The following SMPDL3A variants were observed in gnomAD, a reference collection of about 807,000 sequenced individuals.
The protein encoded by SMPDL3A is sphingomyelin phosphodiesterase acid like 3A.
In SMPDL3A, 39 loss-of-function variants were observed where a neutral mutation model predicts 38.5. The ratio of observed to expected loss-of-function variants is 1.01; its 90% CI spans 0.78 to 1.32. The LOEUF (loss-of-function observed/expected upper bound fraction) is 1.32. Ranked by LOEUF, SMPDL3A falls within the 40% of genes most tolerant of loss-of-function variation. The pLI is 0.00. For synonymous variants in SMPDL3A, 180 were observed against 194.3 expected (o/e 0.93, Z 0.61); for missense variants, 502 against 536.2 (o/e 0.94, Z 0.63).
In SMPDL3A at chr6:122,809,514, C is replaced by T. The variant is rs1781779407; in HGVS notation, c.*106C>T. On this transcript the variant is annotated 3_prime_UTR_variant, in exon 8 of 8. Coordinates refer to ENST00000368440, the MANE Select transcript of SMPDL3A (RefSeq NM_006714.5). ...AATTACTGAGTGGGCAAGTAGACTT[C>T]CTGTCTTTGCTTTCTTTTTTTTTTT... The T allele has an allele frequency of 1.0e-5, 8 of 763,192 alleles. No individual in the cohort carries two copies. In the East Asian group the frequency reaches 2.1e-4, roughly 20 times the overall value. 47.3% of individuals were successfully genotyped at this position (763,192 alleles called of 1,614,324 possible). A position where few individuals can be genotyped will look rare whatever the true frequency, so the allele number is the denominator to read the frequency against.
intron 3 of SMPDL3A, among the ~76,000 whole-genome samples, chr6:122,798,665 G>A (rs1183910890): frequency 6.6e-6 from 1 of 152,132 alleles, no homozygotes; most frequent in Non-Finnish European, 1.5e-5. Flanking sequence ...GTGGGCTGGT[G>A]GTGATTGTCA....
intron 1 of SMPDL3A, among the ~76,000 whole-genome samples, chr6:122,791,224 G>A (rs1316887948): frequency 1.3e-5 from 2 of 152,016 alleles, no homozygotes; most frequent in South Asian, 2.1e-4. Flanking sequence ...CCTGGTGGTC[G>A]GACGACAGAA....
chr6:122,808,099 A>G (rs1342703066), intron 7 of SMPDL3A, among the ~76,000 whole-genome samples: 1 of 152,204 alleles, frequency 6.6e-6, no homozygotes, highest in Non-Finnish European at 1.5e-5. Context: ...TAATTTCTAA[A>G]TAATTTCTTA....
In SMPDL3A at chr6:122,809,357, T is replaced by C. The variant is rs976588043; in HGVS notation, c.1311T>C (p.Asn437=). 3.1e-6 allele frequency: 5 copies of C among 1,613,910 alleles called. No individual in the cohort carries two copies. In the African/African-American group the frequency reaches 6.7e-5, roughly 22 times the overall value. ...TTTGTGCAATTATGAATCTTGATAA[T>C]ATTTCCTATGCAGATTGCCTCAAAC... ...FQICAIMNLD[N]ISYADCLKQL... The change falls in exon 8 of 8, where the codon AAT becomes AAC. Residue 437 remains asparagine (N), a synonymous_variant. Coordinates refer to ENST00000368440, the MANE Select transcript of SMPDL3A (RefSeq NM_006714.5).
At chr6:122,804,769 T>C (rs1582555717) in intron 5 of SMPDL3A, 140 bp from the exon 6 acceptor site, 8 of 671,852 alleles carry the variant, frequency 1.2e-5, no homozygotes, top group Non-Finnish European at 2.0e-5. Flanking sequence ...CATCTCTTTT[T>C]CTTATAAATA....
rs771207651 is a variant in SMPDL3A at position 122,795,905 on chromosome 6, A to G, written c.326+15A>G. The G allele has an allele frequency of 5.2e-6, 8 of 1,533,434 alleles. No individual in the cohort carries two copies. The highest frequency in any genetic ancestry group is 7.2e-6 in the Non-Finnish European group (8 of 1,108,378). 95.0% of individuals were successfully genotyped at this position (1,533,434 alleles called of 1,614,324 possible). ...ATATGGACAGGGTAAGTGATTATACAAGTACCATTAATTACTCAATATTTA... is the reference window on the plus strand; with the variant it reads ...ATATGGACAGGGTAAGTGATTATACGAGTACCATTAATTACTCAATATTTA... On this transcript the variant is annotated intron_variant, in intron 2 of 7. Coordinates refer to ENST00000368440, the MANE Select transcript of SMPDL3A (RefSeq NM_006714.5).
In SMPDL3A at chr6:122,789,308, G is replaced by C. The variant is rs1174461807; in HGVS notation, c.-39G>C. 6.3e-6 allele frequency: 9 copies of C among 1,439,964 alleles called. No homozygotes were observed. The highest frequency in any genetic ancestry group is 3.6e-4 in the Middle Eastern group (2 of 5,566). The allele number at this position is 1,439,964 out of a possible 1,614,324, so 89.2% of individuals were successfully genotyped here. On this transcript the variant is annotated 5_prime_UTR_variant, in exon 1 of 8. Coordinates refer to ENST00000368440, the MANE Select transcript of SMPDL3A (RefSeq NM_006714.5). ...GGCCTGACGGTCCGAGTGGAGCTGC[G>C]GGACAGCCCGAACCTCCAGGTCAGC... is the stretch of plus-strand genomic sequence containing the variant.
chr6:122,807,533 T>A (rs987920909), intron 7 of SMPDL3A, among the ~76,000 whole-genome samples: 1 of 152,104 alleles, frequency 6.6e-6, no homozygotes, highest in Non-Finnish European at 1.5e-5. Context: ...AAAATTGAAT[T>A]GGATATTTGG....
intron 7 of SMPDL3A, among the ~76,000 whole-genome samples, chr6:122,807,266 A>G (rs1034338232): frequency 6.6e-5 from 10 of 152,170 alleles, no homozygotes; most frequent in African/African-American, 2.4e-4. Context: ...TGGGAGGCCG[A>G]GTTGGGTGGA....
intron 4 of SMPDL3A, 107 bp downstream of exon 4, chr6:122,801,513 C>A: frequency 1.3e-6 from 1 of 785,616 alleles, no homozygotes; most frequent in East Asian, 2.5e-5. Flanking sequence ...GAGCACAGCC[C>A]CCAGTTTTTG....
chr6:122,796,894 A>T lies in SMPDL3A; in HGVS notation c.397A>T (p.Thr133Ser). 6.2e-7 allele frequency: 1 copy of T among 1,613,154 alleles called. No homozygotes were observed. Among genetic ancestry groups the T allele is most frequent in the Non-Finnish European group, 8.5e-7 (1 of 1,179,136 alleles). The change falls in exon 3 of 8, where the codon ACA becomes TCA. Residue 133 changes from threonine (T) to serine (S), a missense_variant. By Grantham distance (58) the Thr-to-Ser change is moderately conservative. Transcript: ENST00000368440. ...TGTTATAAATGTGATCACTAATATG[A>T]CAACCACCATCCAGAGTCTCTTTCC... ...DTVINVITNM[T>S]TTIQSLFPNL...
chr6:122,795,572 C>A, intron 1 of SMPDL3A, 105 bp from the exon 2 acceptor site: 1 of 789,434 alleles, frequency 1.3e-6, no homozygotes, highest in Non-Finnish European at 2.1e-6. Flanking sequence ...AGGCTTTCCT[C>A]CATCACAGGG....
Position 122,801,417 on chromosome 6 carries a change from G to A in SMPDL3A, c.568+11G>A. On this transcript the variant is annotated intron_variant, in intron 4 of 7. Coordinates refer to ENST00000368440, the MANE Select transcript of SMPDL3A (RefSeq NM_006714.5). ...GTACTTTAAGGAAAGGTAAGTGAAA[G>A]ACTTAGTTATTCCTATTTTGCCTCA... 1.3e-6 allele frequency: 2 copies of A among 1,544,826 alleles called. No homozygotes were observed. Among genetic ancestry groups the A allele is most frequent in the Non-Finnish European group, 8.9e-7 (1 of 1,117,742 alleles).
intron 3 of SMPDL3A, among the ~76,000 whole-genome samples, chr6:122,799,961 CTTTTTTTTT>C (rs112956534): frequency 3.2e-5 from 4 of 124,546 alleles, no homozygotes; most frequent in Non-Finnish European, 6.7e-5. Flanking sequence ...TCAGTATTTA[CTTTTTTTTT>C]TTTTTTTTTT....
chr6:122,798,511 G>C (rs1040234961), intron 3 of SMPDL3A, among the ~76,000 whole-genome samples: 2 of 152,122 alleles, frequency 1.3e-5, no homozygotes, highest in Non-Finnish European at 2.9e-5. Context: ...TGGCCAACTC[G>C]GGTGATTCAC....
At chr6:122,808,025 T>G (rs1781691424) in intron 7 of SMPDL3A, among the ~76,000 whole-genome samples, 1 of 152,218 alleles carries the variant, frequency 6.6e-6, no homozygotes, top group Admixed American at 6.5e-5. Flanking sequence ...TATGTACTGA[T>G]GTAGGAAGAT....
chr6:122,796,295 A>G (rs1781247120), intron 2 of SMPDL3A, among the ~76,000 whole-genome samples: 1 of 152,234 alleles, frequency 6.6e-6, no homozygotes, highest in South Asian at 2.1e-4. Flanking sequence ...GAAGAGGCCC[A>G]TATTTCTTTA....
chr6:122,789,766 A>G, intron 1 of SMPDL3A: 1 of 887,238 alleles, frequency 1.1e-6, no homozygotes, highest in African/African-American at 1.8e-5. Context: ...CCTGCATCTC[A>G]GTTGTTTTGT....
At chr6:122,798,658 G>A (rs908905338) in intron 3 of SMPDL3A, among the ~76,000 whole-genome samples, 2 of 152,154 alleles carry the variant, frequency 1.3e-5, no homozygotes, top group African/African-American at 4.8e-5. Flanking sequence ...TCAGTAAGTG[G>A]GCTGGTGGTG....
Sources: allele counts gnomAD v4.1 joint callset (sites outside exome capture counted in the v4.1 genomes callset), GRCh38; gene constraint gnomAD v4.1.1; transcripts MANE v1.5; gene names NCBI Gene and HGNC (gene_info 2026-07-23, HGNC 2026-07-21).